Variants in PTPRZ1 observed in about 807,000 individuals in gnomAD.
The protein encoded by PTPRZ1 is protein tyrosine phosphatase receptor type Z1.
PTPRZ1 carries 82 observed loss-of-function variants against 214.1 expected under a neutral mutation model. The observed-to-expected ratio is 0.38, with a 90% CI of 0.32 to 0.46. The LOEUF is 0.46. Ranked by LOEUF, PTPRZ1 falls within the 20% of genes least tolerant of loss-of-function variation. PTPRZ1 has a pLI of 1.00. For synonymous variants in PTPRZ1, 945 were observed against 987.9 expected (o/e 0.96, Z 0.81); for missense variants, 2,603 against 2,748.7 (o/e 0.95, Z 1.19).
At chr7:121,998,173 A>G (rs781320281) in intron 10 of PTPRZ1, among the ~76,000 whole-genome samples, 167 bp downstream of exon 10, 1 of 152,164 alleles carries the variant, frequency 6.6e-6, no homozygotes, top group Non-Finnish European at 1.5e-5. Context: ...CCCATTTCTC[A>G]TTCAGCAGGT....
chr7:121,903,964 T>TCACA (rs200372497), intron 1 of PTPRZ1, among the ~76,000 whole-genome samples: 2,337 of 81,600 alleles, frequency 0.029, 62 homozygotes, highest in African/African-American at 0.12. Flanking sequence ...AGTCTTTAAA[T>TCACA]CTCACACACA....
At chr7:122,009,237 A>C (rs1200010323) in intron 11 of PTPRZ1, among the ~76,000 whole-genome samples, 4 of 152,100 alleles carry the variant, frequency 2.6e-5, no homozygotes, top group Admixed American at 2.6e-4. Flanking sequence ...TGTTTCATAC[A>C]GTGCAGATTT....
intron 1 of PTPRZ1, among the ~76,000 whole-genome samples, chr7:121,915,706 ATCT>A (rs1415492231): frequency 1.3e-5 from 2 of 152,166 alleles, no homozygotes; most frequent in East Asian, 1.9e-4. Context: ...TCAGATAAAC[ATCT>A]TCTGTCAAAA....
intron 8 of PTPRZ1, 32 bp downstream of exon 8, chr7:121,984,149 T>G (rs1247140274): frequency 6.3e-7 from 1 of 1,588,132 alleles, no homozygotes; most frequent in Non-Finnish European, 8.6e-7. Context: ...TCTACAACTC[T>G]CATAGATGCA....
rs1797739979 is a variant in PTPRZ1, at chr7:121,985,490, C to T, written c.928+1373C>T. On this transcript the variant is annotated intron_variant, in intron 8 of 29. Transcript: ENST00000393386. ...TTTACTAGTCTTAGTGCTTAAGCCT[C>T]CCCAACTAGCATCCTTCCCTTACAT... Among the ~76,000 whole-genome samples the T allele has an allele frequency of 3.3e-5, 5 of 152,138 alleles. No homozygotes were observed. In the South Asian group the frequency reaches 1.0e-3, roughly 31 times the overall value.
At chr7:121,960,078 AC>A (rs944925839) in intron 2 of PTPRZ1, among the ~76,000 whole-genome samples, 64 of 152,310 alleles carry the variant, frequency 4.2e-4, no homozygotes, top group Middle Eastern at 3.4e-3. Flanking sequence ...TTGCTCTGTC[AC>A]CCAGGCTGGG....
chr7:121,974,928 G>C (rs1486048740), intron 4 of PTPRZ1, among the ~76,000 whole-genome samples: 1 of 152,138 alleles, frequency 6.6e-6, no homozygotes, highest in East Asian at 1.9e-4. Flanking sequence ...GGCTCAAACT[G>C]TCATCCCAGC....
intron 1 of PTPRZ1, chr7:121,908,720 G>C: frequency 2.1e-6 from 1 of 480,216 alleles, no homozygotes. Context: ...ATCTAAAAAT[G>C]TTTTCAATAA....
chr7:121,939,555 A>T (rs538630174), intron 2 of PTPRZ1, among the ~76,000 whole-genome samples: 2 of 152,372 alleles, frequency 1.3e-5, no homozygotes, highest in African/African-American at 4.8e-5. Context: ...ACATACTCAT[A>T]TATCATTCAG....
At chr7:122,031,697 A>G (rs1460036378) in intron 15 of PTPRZ1, 138 bp downstream of exon 15, 1 of 571,274 alleles carries the variant, frequency 1.8e-6, no homozygotes, top group African/African-American at 1.9e-5. Context: ...ATAATTACAT[A>G]TGTGTTTAGG....
Position 122,010,973 on chromosome 7 carries a change from C to A in PTPRZ1, c.1927C>A (p.Leu643Ile), listed in dbSNP as rs757915694. 1.2e-6 allele frequency: 2 copies of A among 1,614,148 alleles called. No homozygotes were observed. Among genetic ancestry groups the A allele is most frequent in the South Asian group, 2.2e-5 (2 of 91,078 alleles). ...AACTTCATCAGGTTCAGAAGAATCACTAAAGGATCCTTCTATGGAGGGAAA... is the reference window on the plus strand; with the variant it reads ...AACTTCATCAGGTTCAGAAGAATCAATAAAGGATCCTTCTATGGAGGGAAA... ...DSTSSGSEES[L>I]KDPSMEGNVW... The change falls in exon 12 of 30, where the codon CTA becomes ATA. Residue 643 changes from leucine (L) to isoleucine (I), a missense_variant. This residue lies in a region of PTPRZ1 where 1,913 missense variants were observed against 1,914.3 expected (regional missense o/e 1.00). Coordinates refer to ENST00000393386, the MANE Select transcript of PTPRZ1 (RefSeq NM_002851.3).
At chr7:121,896,295 A>G (rs906982056) in intron 1 of PTPRZ1, among the ~76,000 whole-genome samples, 2 of 152,192 alleles carry the variant, frequency 1.3e-5, no homozygotes, top group African/African-American at 4.8e-5. Flanking sequence ...TTAATCTTGT[A>G]TAACTGAAAC....
At chr7:122,056,796 C>T (rs963476017) in intron 27 of PTPRZ1, among the ~76,000 whole-genome samples, 2 of 151,800 alleles carry the variant, frequency 1.3e-5, no homozygotes, top group Admixed American at 6.6e-5. Flanking sequence ...CAGAAGTAGC[C>T]TCTTCCTGAA....
chr7:121,945,354 T>C (rs1337200331), intron 2 of PTPRZ1, among the ~76,000 whole-genome samples: 1 of 152,208 alleles, frequency 6.6e-6, no homozygotes, highest in Non-Finnish European at 1.5e-5. Flanking sequence ...TATTATTCTC[T>C]GGAGATATTC....
At chr7:121,970,693 T>C (rs1008470585) in intron 3 of PTPRZ1, among the ~76,000 whole-genome samples, 6 of 152,238 alleles carry the variant, frequency 3.9e-5, no homozygotes, top group Non-Finnish European at 7.3e-5. Flanking sequence ...TTCTAGATTC[T>C]GGATATTAGC....
At chr7:122,020,312 G>T (rs1798977996) in intron 13 of PTPRZ1, among the ~76,000 whole-genome samples, 1 of 152,112 alleles carries the variant, frequency 6.6e-6, no homozygotes, top group South Asian at 2.1e-4. Context: ...TGAGGGGGAA[G>T]AATTTGTTAT....
At chr7:122,001,724 G>C (rs2116627564) in intron 10 of PTPRZ1, among the ~76,000 whole-genome samples, 1 of 152,180 alleles carries the variant, frequency 6.6e-6, no homozygotes, top group East Asian at 1.9e-4. Flanking sequence ...GAAAATTAAT[G>C]TGTTCCTAAT....
At chr7:121,973,165 A>G (rs953899247) in intron 4 of PTPRZ1, among the ~76,000 whole-genome samples, 2 of 152,278 alleles carry the variant, frequency 1.3e-5, no homozygotes, top group East Asian at 3.9e-4. Flanking sequence ...GATTTACACT[A>G]AATACCCAAC....
intron 1 of PTPRZ1, among the ~76,000 whole-genome samples, chr7:121,918,493 T>C (rs1386746509): frequency 6.6e-6 from 1 of 152,162 alleles, no homozygotes; most frequent in Non-Finnish European, 1.5e-5. Flanking sequence ...GGCTATTATT[T>C]CATAAGCTTA....
Sources: allele counts gnomAD v4.1 joint callset (sites outside exome capture counted in the v4.1 genomes callset), GRCh38; gene constraint gnomAD v4.1.1; regional missense constraint gnomAD v4.1.1; transcripts MANE v1.5; gene names NCBI Gene and HGNC (gene_info 2026-07-23, HGNC 2026-07-21).